TSHZ2: variants seen among roughly 807,000 people sequenced by gnomAD.
The protein encoded by TSHZ2 is teashirt homolog 2.
Under a neutral mutation model 74.4 loss-of-function variants are expected in TSHZ2, and 21 were observed. That is an observed-to-expected ratio of 0.28 (90% CI 0.20 to 0.41). TSHZ2 has a LOEUF of 0.41. TSHZ2 is among the 10% of genes least tolerant of loss of function. TSHZ2 has a pLI of 1.00. For missense variants in TSHZ2, 1,244 were observed against 1,293.5 expected (o/e 0.96, Z 0.59); for synonymous variants, 540 against 515.3 (o/e 1.05, Z -0.65).
intron 2 of TSHZ2, among the ~76,000 whole-genome samples, chr20:53,358,463 C>T (rs74406964): frequency 1.3e-5 from 2 of 151,758 alleles, no homozygotes; most frequent in African/African-American, 4.8e-5. Flanking sequence ...GCCTCAGCCT[C>T]CCCAGTACCT....
intron 2 of TSHZ2, among the ~76,000 whole-genome samples, chr20:53,441,220 T>TA (rs200730252): frequency 1.9e-4 from 21 of 108,070 alleles, no homozygotes; most frequent in South Asian, 3.3e-4. Flanking sequence ...CTTATTTATT[T>TA]GTTTATTTTA....
At chr20:53,021,321 A>C (rs887362524) in intron 1 of TSHZ2, among the ~76,000 whole-genome samples, 6 of 152,078 alleles carry the variant, frequency 3.9e-5, no homozygotes, top group Non-Finnish European at 1.5e-5. Context: ...CTCAGACCCC[A>C]CCCCAGACCT....
At chr20:52,978,274 A>T (rs942778640) in intron 1 of TSHZ2, among the ~76,000 whole-genome samples, 1 of 152,118 alleles carries the variant, frequency 6.6e-6, no homozygotes, top group African/African-American at 2.4e-5. Context: ...AAGCCATTGA[A>T]ATGATGCCTC....
intron 1 of TSHZ2, among the ~76,000 whole-genome samples, chr20:53,099,368 G>A (rs2123286990): frequency 6.6e-6 from 1 of 152,260 alleles, no homozygotes; most frequent in Middle Eastern, 3.4e-3. Context: ...TCTTAGAGTA[G>A]TCTACAAGGT....
chr20:53,276,761 C>T (rs1473588611), intron 2 of TSHZ2, among the ~76,000 whole-genome samples: 2 of 152,186 alleles, frequency 1.3e-5, no homozygotes, highest in Admixed American at 6.5e-5. Context: ...GAATGTCTAA[C>T]ATGCACCCAG....
Position 53,254,024 on chromosome 20 carries a change from C to T in TSHZ2, c.566C>T (p.Pro189Leu), listed in dbSNP as rs766449067. 1 of 1,614,138 alleles carries T rather than the reference C, an allele frequency of 6.2e-7. No homozygotes were observed. The highest frequency in any genetic ancestry group is 1.1e-5 in the South Asian group (1 of 91,078). ...QNLPSRSVSK[P>L]SLFSSVQLYR... ...TTGCCTTCTCGGTCCGTCTCGAAACCCAGCCTGTTCAGCTCGGTGCAGTTG... is the reference window on the plus strand; with the variant it reads ...TTGCCTTCTCGGTCCGTCTCGAAACTCAGCCTGTTCAGCTCGGTGCAGTTG... Residue 189 changes from proline (P) to leucine (L), a missense_variant, in exon 2 of 3, where the codon CCC becomes CTC. By Grantham distance (98) the Pro-to-Leu change is moderately conservative. This residue lies in a region of TSHZ2 where 470 missense variants were observed against 456.5 expected (regional missense o/e 1.03). Transcript: ENST00000371497.
chr20:53,278,996 A>G (rs1003747019), intron 2 of TSHZ2, among the ~76,000 whole-genome samples: 1 of 152,274 alleles, frequency 6.6e-6, no homozygotes, highest in African/African-American at 2.4e-5. Context: ...TGTATGTTAT[A>G]TGCGTTATAT....
chr20:53,255,502 C>A lies in TSHZ2; in HGVS notation c.2044C>A (p.Leu682Ile). The A allele has an allele frequency of 6.3e-7, 1 of 1,594,378 alleles. No individual in the cohort carries two copies. Among genetic ancestry groups the A allele is most frequent in the South Asian group, 1.1e-5 (1 of 88,406 alleles). The change falls in exon 2 of 3, where the codon CTC becomes ATC. Residue 682 changes from leucine (L) to isoleucine (I), a missense_variant. By Grantham distance (5) the Leu-to-Ile change is conservative. Around this residue, in one of 6 missense-constraint regions of TSHZ2, gnomAD observed 562 missense variants for 544.0 expected, o/e 1.03. Transcript: ENST00000371497. This position sits in a 1 kb window ranked among gnomAD's most constrained non-coding sequence, Gnocchi z 4.1. ...ATCTGCTCTGAGCAATGGGTGCGCC[C>A]TCGCCAACCACGCCCCGGCCCTGCC... Reference protein sequence around the residue: ...PTSALSNGCALANHAPALPCI... With the variant: ...PTSALSNGCAIANHAPALPCI...
chr20:53,466,975 G>A (rs1332574082), intron 2 of TSHZ2, among the ~76,000 whole-genome samples: 1 of 152,178 alleles, frequency 6.6e-6, no homozygotes, highest in East Asian at 1.9e-4. Flanking sequence ...GCAGACCTAA[G>A]CCCAAAGGCT....
chr20:53,066,311 CAG>C (rs1288572102), intron 1 of TSHZ2, among the ~76,000 whole-genome samples: 3 of 152,162 alleles, frequency 2.0e-5, no homozygotes, highest in Non-Finnish European at 4.4e-5. Flanking sequence ...AGTCAGGACA[CAG>C]AGCTGCTTCT....
At chr20:53,357,966 A>G (rs1600828314) in intron 2 of TSHZ2, among the ~76,000 whole-genome samples, 1 of 152,238 alleles carries the variant, frequency 6.6e-6, no homozygotes, top group Non-Finnish European at 1.5e-5. Context: ...TGAAAACAAA[A>G]TACTAATTCT....
chr20:53,255,401 T>C lies in TSHZ2; in HGVS notation c.1943T>C (p.Leu648Pro), dbSNP rs567204115. ...ETPPEAKKTE[L>P]GPLKEEEKLM... ...CCTCCAGAAGCCAAAAAGACCGAGCTGGGTCCCCTGAAGGAGGAGGAGAAG... is the reference window on the plus strand; with the variant it reads ...CCTCCAGAAGCCAAAAAGACCGAGCCGGGTCCCCTGAAGGAGGAGGAGAAG... Residue 648 changes from leucine to proline, a missense_variant, in exon 2 of 3, where the codon CTG (leucine) becomes CCG (proline). This residue lies in a region of TSHZ2 where 562 missense variants were observed against 544.0 expected (regional missense o/e 1.03). Coordinates refer to ENST00000371497, the MANE Select transcript of TSHZ2 (RefSeq NM_173485.6). This position sits in a 1 kb window ranked among gnomAD's most constrained non-coding sequence, Gnocchi z 4.1. The C allele has an allele frequency of 8.7e-6, 14 of 1,613,728 alleles. 1 individual carries two copies. In the African/African-American group the frequency reaches 1.7e-4, roughly 20 times the overall value.
chr20:53,314,622 CT>C (rs11475290), intron 2 of TSHZ2, among the ~76,000 whole-genome samples: 22,922 of 126,448 alleles, frequency 0.18, 1,147 homozygotes, highest in South Asian at 0.24. Context: ...GTAGTCCTAG[CT>C]TTTTTTTTTT....
Position 53,277,432 on chromosome 20 carries a change from C to CA in TSHZ2, c.*8+20869dup, listed in dbSNP as rs201151648. 6.5e-3 allele frequency among the ~76,000 whole-genome samples: 938 copies of CA among 145,316 alleles called. 11 individuals are homozygous for CA. Among genetic ancestry groups the CA allele is most frequent in the African/African-American group, 0.022 (874 of 38,880 alleles). On this transcript the variant is annotated intron_variant, in intron 2 of 2. Transcript: ENST00000371497. ...CTCTACTAAACTTGCTTTCACTTTG[C>CA]AAAAAAAACCAAAAAACTAAAAAAC...
intron 1 of TSHZ2, among the ~76,000 whole-genome samples, chr20:53,024,912 T>C (rs1437005233): frequency 6.6e-6 from 1 of 152,158 alleles, no homozygotes; most frequent in Non-Finnish European, 1.5e-5. Flanking sequence ...GGCATTTGGG[T>C]TGGTTCCAAG....
intron 1 of TSHZ2, among the ~76,000 whole-genome samples, chr20:53,202,614 A>T (rs1035082165): frequency 1.3e-5 from 2 of 152,230 alleles, no homozygotes; most frequent in African/African-American, 4.8e-5. Flanking sequence ...GATGAAGAAC[A>T]TAAGATTGAG....
chr20:53,026,803 A>G (rs1983461392), intron 1 of TSHZ2, among the ~76,000 whole-genome samples: 1 of 152,136 alleles, frequency 6.6e-6, no homozygotes, highest in African/African-American at 2.4e-5. Flanking sequence ...ACATCTTTTC[A>G]TATTTTTAAA....
intron 2 of TSHZ2, among the ~76,000 whole-genome samples, chr20:53,291,489 A>G (rs1319780651): frequency 6.7e-6 from 1 of 150,152 alleles, no homozygotes; most frequent in East Asian, 1.9e-4. Flanking sequence ...AAAAAAAAAA[A>G]AAGATCAAGA....
chr20:53,038,663 A>G (rs1004370256), intron 1 of TSHZ2, among the ~76,000 whole-genome samples: 3 of 152,260 alleles, frequency 2.0e-5, no homozygotes, highest in East Asian at 3.9e-4. Context: ...CTCTGGCTAC[A>G]CCAACCGCTT....
Sources: gnomAD v4.1 joint callset for allele counts (sites outside exome capture counted in the v4.1 genomes callset) on GRCh38, gnomAD v4.1.1 for gene constraint, gnomAD v4.1.1 regional missense constraint, Gnocchi (gnomAD v3.1) non-coding constraint, MANE v1.5 for transcripts, NCBI Gene and HGNC (gene_info 2026-07-23, HGNC 2026-07-21) for gene names.